GALNT13: variants seen among roughly 807,000 people sequenced by gnomAD.
The protein encoded by GALNT13 is polypeptide N-acetylgalactosaminyltransferase 13.
A neutral mutation model predicts 64.2 loss-of-function variants in GALNT13; 28 were observed. The ratio of observed to expected loss-of-function variants is 0.44; its 90% CI spans 0.32 to 0.60. The LOEUF (loss-of-function observed/expected upper bound fraction) is 0.60, where lower values mean the gene tolerates loss of function less well. Among genes scored for constraint, GALNT13 ranks in the 20% least tolerant of loss-of-function variants. The probability of loss-of-function intolerance (pLI) is 0.05; values close to 1 mark genes in which losing one functional copy is unlikely to be tolerated. For synonymous variants in GALNT13, 214 were observed against 224.6 expected (o/e 0.95, Z 0.42); for missense variants, 577 against 669.8 (o/e 0.86, Z 1.53).
intron 3 of GALNT13, among the ~76,000 whole-genome samples, chr2:154,060,584 G>A (rs1464690428): frequency 2.0e-5 from 3 of 152,088 alleles, no homozygotes; most frequent in Non-Finnish European, 4.4e-5. Context: ...TCGAACTCTT[G>A]AGTGCAAGTG....
chr2:153,668,472 G>C, the GALNT13 span, among the ~76,000 whole-genome samples: 12,631 of 152,188 alleles, frequency 0.083, 716 homozygotes, highest in Middle Eastern at 0.17. Flanking sequence ...TGAGAGGCAA[G>C]ATGGCCAACT....
chr2:153,688,994 GTGTGTGT>G, the GALNT13 span, among the ~76,000 whole-genome samples: 17 of 21,612 alleles, frequency 7.9e-4, no homozygotes, highest in Non-Finnish European at 2.2e-3. Flanking sequence ...AGGTAGGGGT[GTGTGTGT>G]GTGTGTGTGT....
At chr2:153,221,271 ACT>A in the GALNT13 span, among the ~76,000 whole-genome samples, 7 of 152,030 alleles carry the variant, frequency 4.6e-5, no homozygotes, top group East Asian at 9.7e-4. Context: ...ACAGGGAGAG[ACT>A]CTGTCTCAAA....
At chr2:154,364,918 G>A (rs1440115628) in intron 9 of GALNT13, among the ~76,000 whole-genome samples, 1 of 152,112 alleles carries the variant, frequency 6.6e-6, no homozygotes. Flanking sequence ...TGATTCGCCC[G>A]CCTCGGCCTT....
the GALNT13 span, among the ~76,000 whole-genome samples, chr2:153,377,410 G>A: frequency 6.6e-6 from 1 of 152,036 alleles, no homozygotes; most frequent in East Asian, 1.9e-4. Context: ...AGGGGGTGGG[G>A]CCTAGCAAGA....
At chr2:153,427,892 A>G in the GALNT13 span, among the ~76,000 whole-genome samples, 3 of 152,006 alleles carry the variant, frequency 2.0e-5, no homozygotes, top group Non-Finnish European at 1.5e-5. Flanking sequence ...AATTTTTCTG[A>G]TGTTATTGTT....
intron 4 of GALNT13, among the ~76,000 whole-genome samples, chr2:154,227,820 C>T (rs1255500385): frequency 1.3e-5 from 2 of 152,064 alleles, no homozygotes; most frequent in South Asian, 4.2e-4. Context: ...GTGGCTGTAG[C>T]GTTTACCCTG....
intron 9 of GALNT13, among the ~76,000 whole-genome samples, chr2:154,388,127 A>G (rs1389220718): frequency 1.3e-5 from 2 of 152,148 alleles, no homozygotes; most frequent in Non-Finnish European, 2.9e-5. Flanking sequence ...GTGCGAGACG[A>G]TACCTTATTG....
Position 154,178,584 on chromosome 2 carries a change from A to T in GALNT13, c.311+38079A>T, listed in dbSNP as rs1175862430. Among the ~76,000 whole-genome samples the T allele has an allele frequency of 2.6e-5, 4 of 151,638 alleles. No homozygotes were observed. In the East Asian group the frequency reaches 7.9e-4, roughly 30 times the overall value. On this transcript the variant is annotated intron_variant, in intron 4 of 12. Transcript: ENST00000392825. ...AGTATAATTAAAAATAATAATAATA[A>T]TGTCTTCCTCTCGCTCAATCTGCAC...
chr2:154,022,854 C>T (rs1225050625), intron 3 of GALNT13, among the ~76,000 whole-genome samples: 2 of 152,164 alleles, frequency 1.3e-5, no homozygotes, highest in African/African-American at 4.8e-5. Flanking sequence ...TTTCCCTCTA[C>T]ACACTGCTTT....
At chr2:154,035,073 T>A (rs1574383009) in intron 3 of GALNT13, among the ~76,000 whole-genome samples, 1 of 152,240 alleles carries the variant, frequency 6.6e-6, no homozygotes, top group South Asian at 2.1e-4. Flanking sequence ...TATTCACTTG[T>A]ATATTTATCA....
intron 1 of GALNT13, among the ~76,000 whole-genome samples, chr2:153,874,724 A>AT (rs1344455015): frequency 6.6e-6 from 1 of 152,052 alleles, no homozygotes; most frequent in African/African-American, 2.4e-5. Flanking sequence ...TTTCATTTAG[A>AT]TTTTTTATGA....
chr2:154,326,488 A>G (rs535893250), intron 9 of GALNT13, among the ~76,000 whole-genome samples: 1 of 152,158 alleles, frequency 6.6e-6, no homozygotes, highest in South Asian at 2.1e-4. Context: ...GGAATTCTGT[A>G]TTTTTATTTG....
intron 3 of GALNT13, among the ~76,000 whole-genome samples, chr2:153,953,033 G>T (rs1169112279): frequency 1.3e-5 from 2 of 151,982 alleles, no homozygotes; most frequent in Non-Finnish European, 2.9e-5. Flanking sequence ...ATTGAGGGTG[G>T]GTCTGCGTCT....
the GALNT13 span, among the ~76,000 whole-genome samples, chr2:153,193,230 A>C: frequency 1.3e-5 from 2 of 151,982 alleles, no homozygotes; most frequent in African/African-American, 4.8e-5. Flanking sequence ...CTGGATTAAG[A>C]AAATGTGGCA....
At chr2:154,280,775 CTG>C (rs1220854982) in intron 8 of GALNT13, among the ~76,000 whole-genome samples, 2 of 152,212 alleles carry the variant, frequency 1.3e-5, no homozygotes, top group African/African-American at 4.8e-5. Flanking sequence ...ATGAGCCACT[CTG>C]TGGCTAGAAG....
the GALNT13 span, among the ~76,000 whole-genome samples, chr2:153,168,449 A>G: frequency 1.3e-5 from 2 of 152,210 alleles, no homozygotes; most frequent in Non-Finnish European, 2.9e-5. Context: ...TATTTGTGGT[A>G]CACAAAATTA....
chr2:153,647,870 C>A, the GALNT13 span, among the ~76,000 whole-genome samples: 1 of 152,100 alleles, frequency 6.6e-6, no homozygotes, highest in Non-Finnish European at 1.5e-5. Context: ...TTACTGTAGC[C>A]TTGTAGTGTA....
the GALNT13 span, among the ~76,000 whole-genome samples, chr2:153,854,441 C>T: frequency 2.0e-5 from 3 of 151,586 alleles, no homozygotes; most frequent in Non-Finnish European, 4.4e-5. Flanking sequence ...ATTAGCCAGG[C>T]GTGGGGGTGC....
Sources: gnomAD v4.1 joint callset for allele counts (sites outside exome capture counted in the v4.1 genomes callset) on GRCh38, gnomAD v4.1.1 for gene constraint, MANE v1.5 for transcripts, NCBI Gene and HGNC (gene_info 2026-07-23, HGNC 2026-07-21) for gene names.